Variants in DIXDC1 observed in about 807,000 individuals in gnomAD.
DIXDC1 encodes the protein dixin.
Under a neutral mutation model 103.1 loss-of-function variants are expected in DIXDC1, and 64 were observed. That is an observed-to-expected ratio of 0.62 (90% confidence interval 0.51 to 0.76). The LOEUF is 0.76. Among genes scored for constraint, DIXDC1 ranks in the 30% least tolerant of loss-of-function variants. DIXDC1 has a pLI of 0.00. For missense variants in DIXDC1, 759 were observed against 834.2 expected (o/e 0.91, Z 1.11); for synonymous variants, 266 against 298.5 (o/e 0.89, Z 1.12).
At chr11:111,951,510 G>A (rs1277735332) in intron 1 of DIXDC1, among the ~76,000 whole-genome samples, 2 of 151,962 alleles carry the variant, frequency 1.3e-5, no homozygotes, top group Non-Finnish European at 2.9e-5. Flanking sequence ...TAGAGATGGT[G>A]CAAAAAAAAA....
chr11:111,982,248 A>C (rs1473946803), intron 6 of DIXDC1, 91 bp from the exon 7 acceptor site: 11 of 1,404,454 alleles, frequency 7.8e-6, no homozygotes, highest in Non-Finnish European at 8.7e-6. Flanking sequence ...AACGCAGGTG[A>C]CCTGAACCTG....
At chr11:111,951,520 A>C (rs587775487) in intron 1 of DIXDC1, among the ~76,000 whole-genome samples, 6 of 152,324 alleles carry the variant, frequency 3.9e-5, no homozygotes, top group South Asian at 2.1e-4. Flanking sequence ...GCAAAAAAAA[A>C]CTACAGACTA....
At chr11:111,979,229 T>G (rs1450009706) in intron 5 of DIXDC1, among the ~76,000 whole-genome samples, 1 of 152,228 alleles carries the variant, frequency 6.6e-6, no homozygotes, top group Non-Finnish European at 1.5e-5. Flanking sequence ...GATGAGACAC[T>G]AGTCCTCAGG....
In DIXDC1 at chr11:111,977,425, C is replaced by A. The variant is rs1592587287; in HGVS notation, c.656+2442C>A. 2 of 1,199,166 alleles carry A rather than the reference C, an allele frequency of 1.7e-6. No homozygotes were observed. Among genetic ancestry groups the A allele is most frequent in the East Asian group, 1.1e-4 (2 of 17,596 alleles). The allele number at this position is 1,199,166 out of a possible 1,614,324, so 74.3% of individuals were successfully genotyped here. A position where few individuals can be genotyped will look rare whatever the true frequency, so the allele number is the denominator to read the frequency against. ...GAGATGCCCCCGCCAGGGGGGATGCCCGGCACCGTGCGTCCGCGGAGGCCA... is the reference window on the plus strand; with the variant it reads ...GAGATGCCCCCGCCAGGGGGGATGCACGGCACCGTGCGTCCGCGGAGGCCA... On this transcript the variant is annotated intron_variant, in intron 5 of 19. Transcript: ENST00000440460. The surrounding 1 kb of genome is among the most constrained non-coding windows in gnomAD (Gnocchi z 6.1).
Position 111,977,884 on chromosome 11 carries a change from G to T in DIXDC1, c.657-2853G>T. On this transcript the variant is annotated intron_variant, in intron 5 of 19. Coordinates refer to ENST00000440460, the MANE Select transcript of DIXDC1 (RefSeq NM_001037954.4). This position sits in a 1 kb window ranked among gnomAD's most constrained non-coding sequence, Gnocchi z 6.1. ...GGATGCTGTTGGCCGGAGACAGGCG[G>T]GGTGGTGGGAGCATTATGTTGGGAG... is the stretch of plus-strand genomic sequence containing the variant. The T allele has an allele frequency of 6.9e-7, 1 of 1,449,794 alleles. No individual in the cohort carries two copies. The highest frequency in any genetic ancestry group is 9.1e-7 in the Non-Finnish European group (1 of 1,095,392). 89.8% of individuals were successfully genotyped at this position (1,449,794 alleles called of 1,614,324 possible).
At chr11:112,018,298 T>C (rs1861659065) in intron 19 of DIXDC1, among the ~76,000 whole-genome samples, 1 of 152,240 alleles carries the variant, frequency 6.6e-6, no homozygotes, top group South Asian at 2.1e-4. Flanking sequence ...TAGGGAGTTA[T>C]GTATGCTTAT....
At chr11:111,985,436 G>C in intron 8 of DIXDC1, 115 bp downstream of exon 8, 1 of 791,640 alleles carries the variant, frequency 1.3e-6, no homozygotes, top group Non-Finnish European at 2.0e-6. Flanking sequence ...ACCAGTTCTG[G>C]TTTTCCTCCT....
chr11:111,946,776 C>G (rs1322356077), intron 1 of DIXDC1: 10 of 489,940 alleles, frequency 2.0e-5, no homozygotes, highest in Non-Finnish European at 4.1e-5. Flanking sequence ...TTGGTGTTTT[C>G]CCAACCTTCT....
At chr11:111,937,308 A>G, upstream of DIXDC1, 1 of 1,334,110 alleles carries the variant, frequency 7.5e-7, no homozygotes, top group Non-Finnish European at 9.6e-7. Flanking sequence ...CCTCCAGCGG[A>G]GGCCCCCGTG....
intron 10 of DIXDC1, among the ~76,000 whole-genome samples, chr11:111,991,111 C>T (rs782710818): frequency 5.5e-4 from 84 of 152,288 alleles, no homozygotes; most frequent in Middle Eastern, 6.8e-3. Context: ...CTTGCACATC[C>T]GTTCATGGGC....
At chr11:112,018,752 G>A (rs181545104) in intron 19 of DIXDC1, among the ~76,000 whole-genome samples, 6 of 152,164 alleles carry the variant, frequency 3.9e-5, no homozygotes, top group Admixed American at 6.5e-5. Context: ...GTAGTATCAG[G>A]CATTTTTTAA....
At chr11:112,011,675 T>C (rs1340238952) in intron 17 of DIXDC1, among the ~76,000 whole-genome samples, 1 of 152,028 alleles carries the variant, frequency 6.6e-6, no homozygotes, top group Non-Finnish European at 1.5e-5. Context: ...AAACTGGAGT[T>C]CATCATTCTC....
chr11:112,001,797 C>G (rs1375598243), intron 17 of DIXDC1, among the ~76,000 whole-genome samples: 1 of 145,816 alleles, frequency 6.9e-6, no homozygotes, highest in Non-Finnish European at 1.5e-5. Context: ...GGTTTTGTTG[C>G]CCAGGCTGGA....
intron 3 of DIXDC1, among the ~76,000 whole-genome samples, chr11:111,970,863 A>T (rs1859898431): frequency 6.6e-6 from 1 of 152,186 alleles, no homozygotes; most frequent in Non-Finnish European, 1.5e-5. Context: ...CAACAAAAAT[A>T]AGCAATGAGG....
At chr11:111,985,045 T>C (rs1014785059) in intron 7 of DIXDC1, among the ~76,000 whole-genome samples, 187 bp from the exon 8 acceptor site, 5 of 152,204 alleles carry the variant, frequency 3.3e-5, no homozygotes, top group Non-Finnish European at 5.9e-5. Flanking sequence ...AGCCAGAGCA[T>C]GGACCTAACG....
intron 1 of DIXDC1, chr11:111,946,576 G>A (rs782707769): frequency 3.6e-5 from 7 of 195,524 alleles, no homozygotes; most frequent in Non-Finnish European, 7.8e-5. Flanking sequence ...GGCCAAGCTA[G>A]TCTGTAATTG....
chr11:111,979,081 A>G (rs1860214889), intron 5 of DIXDC1, among the ~76,000 whole-genome samples: 1 of 152,240 alleles, frequency 6.6e-6, no homozygotes, highest in Admixed American at 6.5e-5. Flanking sequence ...ATCTATAGAT[A>G]TGGTTAAGCA....
chr11:111,978,142 A>G (rs927763810), intron 5 of DIXDC1, among the ~76,000 whole-genome samples: 8 of 152,186 alleles, frequency 5.3e-5, no homozygotes, highest in African/African-American at 1.4e-4. Flanking sequence ...AAATTAAGAT[A>G]GAAGAGCTAT....
chr11:111,973,233 A>C (rs879967238), intron 3 of DIXDC1, among the ~76,000 whole-genome samples: 2 of 134,852 alleles, frequency 1.5e-5, no homozygotes, highest in Admixed American at 1.5e-4. Context: ...TTAGCTGGGC[A>C]TGGTGGCGGG....
Sources: allele counts gnomAD v4.1 joint callset (sites outside exome capture counted in the v4.1 genomes callset), GRCh38; gene constraint gnomAD v4.1.1; non-coding constraint Gnocchi (gnomAD v3.1); transcripts MANE v1.5; gene names NCBI Gene and HGNC (gene_info 2026-07-23, HGNC 2026-07-21).